The following BNC2 variants were observed in gnomAD, a reference collection of about 807,000 sequenced individuals.
BNC2 encodes the protein zinc finger protein basonuclin-2.
In BNC2, 20 loss-of-function variants were observed where a neutral mutation model predicts 76.3. That is an observed-to-expected ratio of 0.26 (90% CI 0.18 to 0.38). The LOEUF is 0.38. BNC2 is among the 10% of genes least tolerant of loss of function. The pLI is 1.00. For synonymous variants in BNC2, 582 were observed against 514.8 expected, an observed-to-expected ratio of 1.13 and a Z score of -1.77; for missense variants, 1,382 against 1,399.8, an observed-to-expected ratio of 0.99 and a Z score of 0.20.
At chr9:16,577,874 T>C (rs1034743374) in intron 4 of BNC2, among the ~76,000 whole-genome samples, 2 of 152,114 alleles carry the variant, frequency 1.3e-5, no homozygotes, top group Non-Finnish European at 2.9e-5. Flanking sequence ...CTTGTTGGAA[T>C]GGTATATCCT....
intron 1 of BNC2, among the ~76,000 whole-genome samples, chr9:16,761,785 G>A (rs1489056818): frequency 6.6e-6 from 1 of 152,128 alleles, no homozygotes; most frequent in East Asian, 1.9e-4. Context: ...TTACATTTCA[G>A]ACCATGACAC....
chr9:16,521,828 A>T (rs1364603853), intron 5 of BNC2, among the ~76,000 whole-genome samples: 1 of 152,218 alleles, frequency 6.6e-6, no homozygotes, highest in Non-Finnish European at 1.5e-5. Context: ...CCACAGCAAG[A>T]AATCCATGGG....
chr9:16,853,274 G>A (rs1456901539), intron 1 of BNC2, among the ~76,000 whole-genome samples: 1 of 110,340 alleles, frequency 9.1e-6, no homozygotes, highest in African/African-American at 3.6e-5. Flanking sequence ...GCTGGCCGTG[G>A]TGGCATGCAG....
At chr9:16,559,973 G>A (rs898346780) in intron 4 of BNC2, among the ~76,000 whole-genome samples, 2 of 152,214 alleles carry the variant, frequency 1.3e-5, no homozygotes, top group African/African-American at 4.8e-5. Flanking sequence ...AATGCTGCCG[G>A]GAATGCAGTC....
At chr9:16,700,330 C>T (rs552724258) in intron 3 of BNC2, among the ~76,000 whole-genome samples, 14 of 152,234 alleles carry the variant, frequency 9.2e-5, no homozygotes, top group Admixed American at 7.2e-4. Context: ...AGGAGGACTG[C>T]TTGAGGTCTT....
chr9:16,753,111 T>C (rs1825270105), intron 1 of BNC2, among the ~76,000 whole-genome samples: 1 of 151,172 alleles, frequency 6.6e-6, no homozygotes, highest in African/African-American at 2.4e-5. Context: ...GACTCTTCTT[T>C]TCAATGACTG....
chr9:16,410,532 G>C lies in BNC2; in HGVS notation c.*8457C>G, dbSNP rs1293811802. 2 of 152,646 alleles carry C rather than the reference G, an allele frequency of 1.3e-5. No individual in the cohort carries two copies. Among genetic ancestry groups the C allele is most frequent in the Non-Finnish European group, 2.9e-5 (2 of 68,044 alleles). 9.5% of individuals were successfully genotyped at this position (152,646 alleles called of 1,614,324 possible). A position where few individuals can be genotyped will look rare whatever the true frequency, so the allele number is the denominator to read the frequency against. On this transcript the variant is annotated 3_prime_UTR_variant, in exon 7 of 7. Transcript: ENST00000380672. ...GCTGAACCAAAGTTTGCACAGGAAAGCAAATGCACCATATACTAGAAATCT... is the reference window on the plus strand; with the variant it reads ...GCTGAACCAAAGTTTGCACAGGAAACCAAATGCACCATATACTAGAAATCT...
chr9:16,624,188 G>A (rs1820933292), intron 3 of BNC2, among the ~76,000 whole-genome samples: 1 of 152,116 alleles, frequency 6.6e-6, no homozygotes. Flanking sequence ...TTATTAATAA[G>A]CTAGACGAAG....
intron 1 of BNC2, among the ~76,000 whole-genome samples, chr9:16,787,233 T>A (rs1036738902): frequency 2.6e-5 from 4 of 152,196 alleles, no homozygotes; most frequent in African/African-American, 9.6e-5. Context: ...GGGAAACTAG[T>A]TCTCCCTCCA....
chr9:16,715,120 G>A (rs1056564209), intron 3 of BNC2, among the ~76,000 whole-genome samples: 1 of 152,262 alleles, frequency 6.6e-6, no homozygotes, highest in South Asian at 2.1e-4. Context: ...GAGACGAAAA[G>A]CTTTTTATAG....
chr9:16,625,656 C>G (rs1158959118), intron 3 of BNC2: 1 of 152,162 alleles, frequency 6.6e-6, no homozygotes, highest in African/African-American at 2.4e-5. Context: ...TAAAGAGATT[C>G]TGAGGCATCA....
Position 16,582,843 on chromosome 9 carries a change from G to A in BNC2, c.433+140C>T, listed in dbSNP as rs542036297. ...GCAGGCTGAATCTTAACTAACACTTGGAGCACAGCTGACCTCTCTCTTCTC... is the reference window on the plus strand; with the variant it reads ...GCAGGCTGAATCTTAACTAACACTTAGAGCACAGCTGACCTCTCTCTTCTC... On this transcript the variant is annotated intron_variant, in intron 4 of 6. Coordinates refer to ENST00000380672, the MANE Select transcript of BNC2 (RefSeq NM_017637.6). 13 of 716,870 alleles carry A rather than the reference G, an allele frequency of 1.8e-5. No individual in the cohort carries two copies. The African/African-American group carries it at 2.3e-4, about 13-fold the overall frequency. 44.4% of individuals were successfully genotyped at this position (716,870 alleles called of 1,614,324 possible). A position where few individuals can be genotyped will look rare whatever the true frequency, so the allele number is the denominator to read the frequency against.
intron 1 of BNC2, among the ~76,000 whole-genome samples, chr9:16,862,055 T>C (rs80252534): frequency 4.6e-5 from 7 of 151,944 alleles, no homozygotes; most frequent in Non-Finnish European, 8.8e-5. Context: ...GGAAGAATTA[T>C]ACACTATTGG....
In BNC2 at chr9:16,541,636, G is replaced by A. The variant is rs16934798; in HGVS notation, c.669+10894C>T. 8.9e-3 allele frequency among the ~76,000 whole-genome samples: 1,355 copies of A among 152,298 alleles called. 26 individuals carry two copies. The highest frequency in any genetic ancestry group is 0.039 in the South Asian group (190 of 4,824). ...TGTTGTTAATTCAAAATTTCTCAAT[G>A]TGTGTGCATGCTTAAAAAGAGGCAA... On this transcript the variant is annotated intron_variant, in intron 5 of 6. Coordinates refer to ENST00000380672, the MANE Select transcript of BNC2 (RefSeq NM_017637.6).
At chr9:16,765,879 C>T (rs541176096) in intron 1 of BNC2, among the ~76,000 whole-genome samples, 4 of 152,002 alleles carry the variant, frequency 2.6e-5, no homozygotes, top group African/African-American at 4.8e-5. Context: ...CTCTGCCTCC[C>T]GGGTTCACGC....
Position 16,539,284 on chromosome 9 carries a change from C to A in BNC2, c.669+13246G>T, listed in dbSNP as rs1818227599. Among the ~76,000 whole-genome samples, 3 of 151,966 alleles carry A rather than the reference C, an allele frequency of 2.0e-5. No individual in the cohort carries two copies. The South Asian group carries it at 6.2e-4, about 32-fold the overall frequency. The stretch of plus-strand genomic sequence containing the variant: ...CCCCTAACCCCAACACTTTGGCAGG[C>A]CAAGGTGGGCAGATGGCTTGAGGTC... On this transcript the variant is annotated intron_variant, in intron 5 of 6. Coordinates refer to ENST00000380672, the MANE Select transcript of BNC2 (RefSeq NM_017637.6).
chr9:16,413,738 C>T lies in BNC2; in HGVS notation c.*5251G>A, dbSNP rs559270710. On this transcript the variant is annotated 3_prime_UTR_variant, in exon 7 of 7. Coordinates refer to ENST00000380672, the MANE Select transcript of BNC2 (RefSeq NM_017637.6). ...AGATCAAACATGACCTTAGTACTAACGCAAACAAGACTACCACGTGTGGTT... is the reference window on the plus strand; with the variant it reads ...AGATCAAACATGACCTTAGTACTAATGCAAACAAGACTACCACGTGTGGTT... 12 of 152,280 alleles carry T rather than the reference C, an allele frequency of 7.9e-5. No homozygotes were observed. The highest frequency in any genetic ancestry group is 5.8e-4 in the East Asian group (3 of 5,186). The allele number at this position is 152,280 out of a possible 1,614,324, so 9.4% of individuals were successfully genotyped here. A position where few individuals can be genotyped will look rare whatever the true frequency, so the allele number is the denominator to read the frequency against.
At chr9:16,498,094 C>G (rs1294659726) in intron 5 of BNC2, among the ~76,000 whole-genome samples, 1 of 142,656 alleles carries the variant, frequency 7.0e-6, no homozygotes, top group Non-Finnish European at 1.5e-5. Flanking sequence ...TATATTCCAT[C>G]ATATATATAT....
At chr9:16,748,532 A>C (rs1289268244) in intron 1 of BNC2, among the ~76,000 whole-genome samples, 2 of 151,386 alleles carry the variant, frequency 1.3e-5, no homozygotes, top group African/African-American at 4.9e-5. Context: ...AAAAAGAAGG[A>C]ATCCAGTAAA....
Sources: allele counts gnomAD v4.1 joint callset (sites outside exome capture counted in the v4.1 genomes callset), GRCh38; gene constraint gnomAD v4.1.1; transcripts MANE v1.5; gene names NCBI Gene and HGNC (gene_info 2026-07-23, HGNC 2026-07-21).